Variants in ADAM18 observed in about 807,000 individuals in gnomAD.
The protein encoded by ADAM18 is ADAM metallopeptidase domain 18.
ADAM18 carries 117 observed loss-of-function variants against 94.4 expected under a neutral mutation model. That is an observed-to-expected ratio of 1.24 (90% CI 1.07 to 1.45). The LOEUF (loss-of-function observed/expected upper bound fraction) is 1.45, where lower values mean the gene tolerates loss of function less well. ADAM18 is among the 40% of genes most tolerant of loss of function. The pLI is 0.00. For missense variants in ADAM18, 936 were observed against 880.0 expected, an observed-to-expected ratio of 1.06 and a Z score of -0.81; for synonymous variants, 327 against 291.6, an observed-to-expected ratio of 1.12 and a Z score of -1.24.
chr8:39,637,355 C>T lies in ADAM18; in HGVS notation c.660+20C>T. 2 of 1,579,918 alleles carry T rather than the reference C, an allele frequency of 1.3e-6. No homozygotes were observed. Among genetic ancestry groups the T allele is most frequent in the Non-Finnish European group, 1.7e-6 (2 of 1,164,446 alleles). ...AACACTGTAAGTTTTTACTTTTTCA[C>T]ATTTCCATTTTCATGAAAGTTTCTT... On this transcript the variant is annotated intron_variant, in intron 8 of 19. Coordinates refer to ENST00000265707, the MANE Select transcript of ADAM18 (RefSeq NM_014237.3).
Position 39,645,330 on chromosome 8 carries a change from TA to T in ADAM18, c.910-7del. Reference sequence around the variant, plus strand: ...TAATAATTTTCTTTTTCATGTCTTTTATTTTAGTATCCAGATGCAATAGGTT... The same window carrying T: ...TAATAATTTTCTTTTTCATGTCTTTTTTTTAGTATCCAGATGCAATAGGTT... On this transcript the variant is annotated splice_polypyrimidine_tract_variant and splice_region_variant and intron_variant, in intron 10 of 19. Coordinates refer to ENST00000265707, the MANE Select transcript of ADAM18 (RefSeq NM_014237.3). 6.3e-7 allele frequency: 1 copy of T among 1,587,694 alleles called. No individual in the cohort carries two copies. Among genetic ancestry groups the T allele is most frequent in the African/African-American group, 1.4e-5 (1 of 73,652 alleles).
intron 10 of ADAM18, among the ~76,000 whole-genome samples, chr8:39,642,784 T>C (rs767142976): frequency 5.3e-5 from 8 of 152,134 alleles, no homozygotes; most frequent in Non-Finnish European, 4.4e-5. Flanking sequence ...TGTGGTTCCA[T>C]ATGAATTTTA....
intron 12 of ADAM18, among the ~76,000 whole-genome samples, chr8:39,662,728 G>T (rs930585735): frequency 6.6e-6 from 1 of 152,244 alleles, no homozygotes; most frequent in South Asian, 2.1e-4. Flanking sequence ...AGGTTTAAGC[G>T]AGTCTCTTGC....
chr8:39,703,364 C>G (rs894131135), intron 17 of ADAM18, among the ~76,000 whole-genome samples: 2 of 152,094 alleles, frequency 1.3e-5, no homozygotes, highest in African/African-American at 4.8e-5. Flanking sequence ...TGCTTATCAG[C>G]TTAAGAAGCT....
chr8:39,623,952 C>T (rs1005750579), intron 6 of ADAM18, among the ~76,000 whole-genome samples: 6 of 152,138 alleles, frequency 3.9e-5, no homozygotes, highest in African/African-American at 1.4e-4. Flanking sequence ...TGTATATCTT[C>T]TTTTGAGAAA....
rs920621334 is a variant in ADAM18, at chr8:39,644,313, GACAGGA to G, written c.910-1024_910-1019del. Reference sequence around the variant, plus strand: ...TTTTTTGTTTTGTTTTGGTCTTTGAGACAGGATCTCACTCTGTAGCCCAGGCTGGAG... The same window carrying G: ...TTTTTTGTTTTGTTTTGGTCTTTGAGTCTCACTCTGTAGCCCAGGCTGGAG... On this transcript the variant is annotated intron_variant, in intron 10 of 19. Coordinates refer to ENST00000265707, the MANE Select transcript of ADAM18 (RefSeq NM_014237.3). Among the ~76,000 whole-genome samples the G allele has an allele frequency of 3.4e-3, 515 of 152,160 alleles. 4 individuals are homozygous for G. The highest frequency in any genetic ancestry group is 0.012 in the African/African-American group (493 of 41,518).
intron 16 of ADAM18, among the ~76,000 whole-genome samples, chr8:39,690,231 G>C (rs1200534342): frequency 1.3e-5 from 2 of 152,128 alleles, no homozygotes; most frequent in Non-Finnish European, 2.9e-5. Context: ...GTGCTGGTGG[G>C]TGTGGCAGGT....
chr8:39,704,517 T>A (rs932349444), intron 17 of ADAM18, among the ~76,000 whole-genome samples: 3 of 152,120 alleles, frequency 2.0e-5, no homozygotes, highest in Non-Finnish European at 2.9e-5. Flanking sequence ...ATTTTTAAAT[T>A]TTTTATAAAT....
chr8:39,682,029 G>C lies in ADAM18; in HGVS notation c.1821+1803G>C, dbSNP rs181879290. ...AAGAAATGGATTCCAAGAACTATCA[G>C]GAAAACATGGTCAAGAGTGAGACTG... On this transcript the variant is annotated intron_variant, in intron 16 of 19. Transcript: ENST00000265707. Among the ~76,000 whole-genome samples, 6 of 152,236 alleles carry C rather than the reference G, an allele frequency of 3.9e-5. No individual in the cohort carries two copies. In the East Asian group the frequency reaches 1.2e-3, roughly 29 times the overall value.
rs141011046 is a variant in ADAM18, at chr8:39,702,173, C to T, written c.1903-4617C>T. The stretch of plus-strand genomic sequence containing the variant: ...CTGTTATTTTTTGACTTCTTAATAA[C>T]AGCCATTCTGACTGGCATGAAATGG... On this transcript the variant is annotated intron_variant, in intron 17 of 19. Coordinates refer to ENST00000265707, the MANE Select transcript of ADAM18 (RefSeq NM_014237.3). Among the ~76,000 whole-genome samples the T allele has an allele frequency of 7.0e-3, 1,060 of 152,250 alleles. 11 individuals are homozygous for T. Among genetic ancestry groups the T allele is most frequent in the East Asian group, 0.06 (311 of 5,180 alleles).
At chr8:39,591,532 G>T (rs1818569986) in intron 2 of ADAM18, among the ~76,000 whole-genome samples, 1 of 152,156 alleles carries the variant, frequency 6.6e-6, no homozygotes. Flanking sequence ...ATCGATTCAA[G>T]TTTTATTATG....
chr8:39,637,414 T>C, intron 8 of ADAM18, 79 bp downstream of exon 8: 1 of 1,440,056 alleles, frequency 6.9e-7, no homozygotes, highest in Non-Finnish European at 9.5e-7. Context: ...GGCCAATGAA[T>C]AACTTAAATA....
chr8:39,667,410 A>G (rs1368052373), intron 13 of ADAM18, among the ~76,000 whole-genome samples: 1 of 151,922 alleles, frequency 6.6e-6, no homozygotes, highest in Non-Finnish European at 1.5e-5. Flanking sequence ...TCAAAAAAAA[A>G]AAAAAAAAAA....
intron 16 of ADAM18, among the ~76,000 whole-genome samples, chr8:39,686,667 T>C (rs1257442683): frequency 6.6e-6 from 1 of 152,230 alleles, no homozygotes; most frequent in Non-Finnish European, 1.5e-5. Flanking sequence ...AGCTTGTTTA[T>C]CTCTTTTGTT....
At chr8:39,638,438 C>T (rs764622977) in intron 9 of ADAM18, 27 bp from the exon 10 acceptor site, 48 of 1,442,774 alleles carry the variant, frequency 3.3e-5, no homozygotes, top group Middle Eastern at 2.0e-4. Context: ...TGCATAACTA[C>T]GTTAATAAAA....
chr8:39,726,025 C>T (rs1822896003), intron 19 of ADAM18, among the ~76,000 whole-genome samples: 1 of 151,898 alleles, frequency 6.6e-6, no homozygotes, highest in Admixed American at 6.6e-5. Flanking sequence ...TCTCTTTTCC[C>T]TTTTTTCAAT....
intron 13 of ADAM18, among the ~76,000 whole-genome samples, chr8:39,665,189 C>A (rs570138925): frequency 1.3e-5 from 2 of 152,222 alleles, no homozygotes; most frequent in East Asian, 3.9e-4. Context: ...TTGAATCATA[C>A]AATATGTGCA....
At chr8:39,602,942 C>T (rs1434621681) in intron 2 of ADAM18, among the ~76,000 whole-genome samples, 1 of 152,058 alleles carries the variant, frequency 6.6e-6, no homozygotes, top group Non-Finnish European at 1.5e-5. Flanking sequence ...TTGTGTATTA[C>T]CTTTAAGTCT....
intron 17 of ADAM18, among the ~76,000 whole-genome samples, chr8:39,701,916 A>G (rs1318122546): frequency 6.6e-6 from 1 of 151,978 alleles, no homozygotes; most frequent in African/African-American, 2.4e-5. Context: ...GATTCCATGT[A>G]TTTGCTATTG....
Sources: allele counts gnomAD v4.1 joint callset (sites outside exome capture counted in the v4.1 genomes callset), GRCh38; gene constraint gnomAD v4.1.1; transcripts MANE v1.5; gene names NCBI Gene and HGNC (gene_info 2026-07-23, HGNC 2026-07-21).